Variants in HMCN2 observed in about 807,000 individuals in gnomAD.
HMCN2 encodes the protein hemicentin 2.
Under a neutral mutation model 377.5 loss-of-function variants are expected in HMCN2, and 325 were observed. The ratio of observed to expected loss-of-function variants is 0.86; its 90% CI spans 0.79 to 0.94. The LOEUF is 0.94. HMCN2 is among the 40% of genes least tolerant of loss of function. The pLI is 0.00. For synonymous variants in HMCN2, 2,007 were observed against 2,046.8 expected (o/e 0.98, Z 0.53); for missense variants, 4,543 against 4,725.3 (o/e 0.96, Z 1.13).
chr9:130,312,539 C>CTTTCTTTCTTTCTTT lies in HMCN2; in HGVS notation c.2350+2478_2350+2479insTTTCTTTCTTTCTTT, dbSNP rs1837308978. ...TCCCTCCCTCCCTCCCTCCCTCCCT[C>CTTTCTTTCTTTCTTT]CTTTCTTTCTTTCTTTCTTTCTTTC... On this transcript the variant is annotated intron_variant, in intron 15 of 97. Transcript: ENST00000683500. Among the ~76,000 whole-genome samples, 10 of 6,634 alleles carry CTTTCTTTCTTTCTTT rather than the reference C, an allele frequency of 1.5e-3. 2 individuals carry two copies. The highest frequency in any genetic ancestry group is 3.1e-3 in the African/African-American group (8 of 2,596). 4.4% of individuals were successfully genotyped at this position (6,634 alleles called of 152,430 possible). A position where few individuals can be genotyped will look rare whatever the true frequency, so the allele number is the denominator to read the frequency against.
chr9:130,395,785 GT>G, intron 71 of HMCN2, 138 bp from the exon 72 acceptor site: 1 of 906,476 alleles, frequency 1.1e-6, no homozygotes, highest in South Asian at 1.7e-5. Context: ...GCGGGGCACA[GT>G]CAGGGCCTGC....
rs1226121703 is a variant in HMCN2 at position 130,382,800 on chromosome 9, C to G, written c.8667C>G (p.Leu2889=). 1 of 985,826 alleles carries G rather than the reference C, an allele frequency of 1.0e-6. No homozygotes were observed. Among genetic ancestry groups the G allele is most frequent in the Non-Finnish European group, 1.2e-6 (1 of 829,988 alleles). 61.1% of individuals were successfully genotyped at this position (985,826 alleles called of 1,614,324 possible). The part of the protein sequence containing the change: ...LGNPVPTISW[L]QNGLPFSPSP... ...ACCCCGTGCCCACCATCTCATGGCT[C>G]CAGAATGGGCTGCCTTTCTCCCCGA... The change falls in exon 56 of 98, where the codon CTC becomes CTG. Residue 2889 remains leucine (L), a synonymous_variant. Coordinates refer to ENST00000683500, the MANE Select transcript of HMCN2 (RefSeq NM_001291815.2).
rs1267368825 is a variant in HMCN2 at position 130,406,059 on chromosome 9, G to C, written c.12444G>C (p.Leu4148=). 1.6e-6 allele frequency: 2 copies of C among 1,289,906 alleles called. 1 individual carries two copies. The highest frequency in any genetic ancestry group is 2.5e-5 in the South Asian group (2 of 81,032). The allele number at this position is 1,289,906 out of a possible 1,614,324, so 79.9% of individuals were successfully genotyped here. A position where few individuals can be genotyped will look rare whatever the true frequency, so the allele number is the denominator to read the frequency against. The change falls in exon 82 of 98, where the codon CTG becomes CTC. Residue 4148 remains leucine, a synonymous_variant. Transcript: ENST00000683500. ...TILVLPVFTT[L]PGDRSLRLGD... The stretch of plus-strand genomic sequence containing the variant: ...TGGTACTGCCTGTGTTCACCACCCT[G>C]CCTGGGGACCGCAGCCTGCGCCTTG...
chr9:130,392,952 T>G (rs542036409), intron 66 of HMCN2, among the ~76,000 whole-genome samples: 2 of 150,360 alleles, frequency 1.3e-5, no homozygotes, highest in African/African-American at 4.9e-5. Context: ...GCCGAGATCG[T>G]GCCACTGCAC....
In HMCN2 at chr9:130,303,310, C is replaced by G. The variant is rs1554935231; in HGVS notation, c.1422-177C>G. Among the ~76,000 whole-genome samples, 1 of 152,230 alleles carries G rather than the reference C, an allele frequency of 6.6e-6. No individual in the cohort carries two copies. The highest frequency in any genetic ancestry group is 1.5e-5 in the Non-Finnish European group (1 of 68,028). ...ACTCAGAGAGAGGAAGGGCCTGACTCCAAGTCACACAGCATGTCATGGAAT... is the reference window on the plus strand; with the variant it reads ...ACTCAGAGAGAGGAAGGGCCTGACTGCAAGTCACACAGCATGTCATGGAAT... On this transcript the variant is annotated intron_variant, in intron 9 of 97. Coordinates refer to ENST00000683500, the MANE Select transcript of HMCN2 (RefSeq NM_001291815.2). The surrounding 1 kb of genome is among the most constrained non-coding windows in gnomAD (Gnocchi z 5.2).
At position 130,370,987 on chromosome 9, in the gene HMCN2, T is replaced by A. The variant is rs1326882590; in HGVS notation, c.7093T>A (p.Leu2365Met). The A allele has an allele frequency of 1.0e-6, 1 of 986,030 alleles. No individual in the cohort carries two copies. Among genetic ancestry groups the A allele is most frequent in the Non-Finnish European group, 1.2e-6 (1 of 830,164 alleles). 61.1% of individuals were successfully genotyped at this position (986,030 alleles called of 1,614,324 possible). The change falls in exon 46 of 98, where the codon TTG becomes ATG. Residue 2365 changes from leucine (L) to methionine (M), a missense_variant. Leu to Met is a conservative substitution (Grantham distance 15). This residue lies in a region of HMCN2 where 1,032 missense variants were observed against 1,285.1 expected (regional missense o/e 0.80). Transcript: ENST00000683500. ...AGTGCCCCCAGAGCTCATTGGAGAC[T>A]TGGACCCGCTGACCAACATCACTGC... ...VLVPPELIGD[L>M]DPLTNITAAL...
chr9:130,320,980 T>A (rs1304643419), intron 18 of HMCN2, 77 bp downstream of exon 18: 1 of 152,308 alleles, frequency 6.6e-6, no homozygotes, highest in Non-Finnish European at 1.5e-5. Context: ...CACGTCTCTA[T>A]CTCTGCTTGG....
intron 22 of HMCN2, among the ~76,000 whole-genome samples, chr9:130,332,163 C>G (rs1838463559): frequency 1.3e-5 from 2 of 152,224 alleles, no homozygotes; most frequent in African/African-American, 4.8e-5. Flanking sequence ...GGTGGATCCT[C>G]AAAGCCCTTG....
Position 130,431,497 on chromosome 9 carries a change from C to T in HMCN2, c.14767+11C>T. Reference sequence around the variant, plus strand: ...GGAAGAACTGCCAGGGTGAGCCGGGCTCAGGCCGCCGCCCAAACACCCGTG... The same window carrying T: ...GGAAGAACTGCCAGGGTGAGCCGGGTTCAGGCCGCCGCCCAAACACCCGTG... On this transcript the variant is annotated intron_variant, in intron 96 of 97. Coordinates refer to ENST00000683500, the MANE Select transcript of HMCN2 (RefSeq NM_001291815.2). 1.3e-6 allele frequency: 2 copies of T among 1,547,038 alleles called. No homozygotes were observed. The highest frequency in any genetic ancestry group is 1.2e-5 in the South Asian group (1 of 83,952).
At chr9:130,292,605 T>C (rs1588184718) in intron 4 of HMCN2, among the ~76,000 whole-genome samples, 1 of 152,214 alleles carries the variant, frequency 6.6e-6, no homozygotes, top group East Asian at 1.9e-4. Flanking sequence ...TTGCTTTCTC[T>C]TTTTTGAGTA....
rs1346555913 is a variant in HMCN2 at position 130,414,830 on chromosome 9, G to C, written c.12962-3942G>C. On this transcript the variant is annotated intron_variant, in intron 85 of 97. Transcript: ENST00000683500. This position sits in a 1 kb window ranked among gnomAD's most constrained non-coding sequence, Gnocchi z 4.4. ...GGGTCTCCTTATGTTGCCTAAGCCA[G>C]TCTCAAACTCCTGGGCTCAAATGAT... Among the ~76,000 whole-genome samples the C allele has an allele frequency of 1.3e-5, 2 of 152,054 alleles. No homozygotes were observed. The highest frequency in any genetic ancestry group is 2.9e-5 in the Non-Finnish European group (2 of 68,024).
At chr9:130,321,371 T>G (rs1028525776) in intron 18 of HMCN2, among the ~76,000 whole-genome samples, 13 of 152,182 alleles carry the variant, frequency 8.5e-5, no homozygotes, top group Non-Finnish European at 1.5e-4. Flanking sequence ...GTTTGCCCTC[T>G]CCTATTGACT....
At chr9:130,413,340 G>A (rs1843521852) in intron 85 of HMCN2, among the ~76,000 whole-genome samples, 1 of 152,186 alleles carries the variant, frequency 6.6e-6, no homozygotes, top group Non-Finnish European at 1.5e-5. Context: ...GGTTTAGGTG[G>A]AAAGCAGTCA....
At position 130,423,947 on chromosome 9, in the gene HMCN2, T is replaced by A. The variant is rs1485126822; in HGVS notation, c.13382-829T>A. 2.6e-5 allele frequency among the ~76,000 whole-genome samples: 4 copies of A among 152,106 alleles called. No individual in the cohort carries two copies. The highest frequency in any genetic ancestry group is 2.1e-4 in the South Asian group (1 of 4,820). Reference sequence around the variant, plus strand: ...CTCAATCGGTATTTGTTGAACTGAGTTAAATATCAACAAGGTACATGCATT... The same window carrying A: ...CTCAATCGGTATTTGTTGAACTGAGATAAATATCAACAAGGTACATGCATT... On this transcript the variant is annotated intron_variant, in intron 87 of 97. Coordinates refer to ENST00000683500, the MANE Select transcript of HMCN2 (RefSeq NM_001291815.2). The surrounding 1 kb of genome is among the most constrained non-coding windows in gnomAD (Gnocchi z 5.5).
chr9:130,359,751 CG>C (rs964628878), intron 37 of HMCN2, among the ~76,000 whole-genome samples: 1 of 152,084 alleles, frequency 6.6e-6, no homozygotes, highest in Non-Finnish European at 1.5e-5. Context: ...AGGAAAGGGC[CG>C]GGAGCTGGGG....
In HMCN2 at chr9:130,393,310, G is replaced by A. The variant is rs2131682465; in HGVS notation, c.10234+1G>A. 1 of 989,952 alleles carries A rather than the reference G, an allele frequency of 1.0e-6. No individual in the cohort carries two copies. The highest frequency in any genetic ancestry group is 1.1e-4 in the East Asian group (1 of 8,814). 61.3% of individuals were successfully genotyped at this position (989,952 alleles called of 1,614,324 possible). A position where few individuals can be genotyped will look rare whatever the true frequency, so the allele number is the denominator to read the frequency against. On this transcript the variant is annotated splice_donor_variant, in intron 67 of 97. Transcript: ENST00000683500. LOFTEE classifies it high-confidence loss of function. This position sits in a 1 kb window ranked among gnomAD's most constrained non-coding sequence, Gnocchi z 5.2. ...AGGAACTTCACCTTGCAGGTGCAGG[G>A]TATGGAGCAGGGGGTGGGGCAAGGG...
chr9:130,417,829 A>G (rs1367519907), intron 85 of HMCN2, among the ~76,000 whole-genome samples: 1 of 152,244 alleles, frequency 6.6e-6, no homozygotes, highest in African/African-American at 2.4e-5. Flanking sequence ...GCGAACACAC[A>G]GGCACACAGC....
intron 4 of HMCN2, among the ~76,000 whole-genome samples, chr9:130,287,416 C>G (rs1835474408): frequency 6.6e-6 from 1 of 152,078 alleles, no homozygotes; most frequent in African/African-American, 2.4e-5. Context: ...TTAAGCGCAC[C>G]TCCTCATGGA....
chr9:130,406,481 C>T, intron 82 of HMCN2: 1 of 291,108 alleles, frequency 3.4e-6, no homozygotes, highest in Non-Finnish European at 6.8e-6. Context: ...CTCAGCAAAC[C>T]CCTTTTGCTG....
Sources: allele counts gnomAD v4.1 joint callset (sites outside exome capture counted in the v4.1 genomes callset), GRCh38; gene constraint gnomAD v4.1.1; regional missense constraint gnomAD v4.1.1; non-coding constraint Gnocchi (gnomAD v3.1); transcripts MANE v1.5; gene names NCBI Gene and HGNC (gene_info 2026-07-23, HGNC 2026-07-21).